SEMA7A: variants seen among roughly 807,000 people sequenced by gnomAD.
SEMA7A encodes the protein semaphorin 7A (JohnMiltonHagen blood group), also known as semaphorin-7A.
In SEMA7A, 21 loss-of-function variants were observed where a neutral mutation model predicts 67.5. The observed-to-expected ratio is 0.31, with a 90% CI of 0.22 to 0.45. SEMA7A has a LOEUF of 0.45. Among genes scored for constraint, SEMA7A ranks in the 20% least tolerant of loss-of-function variants. SEMA7A has a pLI of 1.00. For missense variants in SEMA7A, 774 were observed against 908.6 expected (o/e 0.85, Z 1.90); for synonymous variants, 364 against 368.5 (o/e 0.99, Z 0.14).
rs1267028642 is a variant in SEMA7A at position 74,410,322 on chromosome 15, G to A, written c.*302C>T. The A allele has an allele frequency of 2.2e-5, 8 of 371,884 alleles. No homozygotes were observed. The East Asian group carries it at 2.7e-4, about 12-fold the overall frequency. The allele number at this position is 371,884 out of a possible 1,614,324, so 23.0% of individuals were successfully genotyped here. The stretch of plus-strand genomic sequence containing the variant: ...CATGGGCTCTTGGGCTGGGAGCATC[G>A]CTGCATTTAGTCAAGTTTGAGGAGT... On this transcript the variant is annotated 3_prime_UTR_variant, in exon 14 of 14. Transcript: ENST00000261918. This position sits in a 1 kb window ranked among gnomAD's most constrained non-coding sequence, Gnocchi z 7.5.
intron 1 of SEMA7A, among the ~76,000 whole-genome samples, chr15:74,428,648 G>A (rs184165968): frequency 4.5e-4 from 69 of 152,332 alleles, no homozygotes; most frequent in Middle Eastern, 3.4e-3. Flanking sequence ...AGCAGTGAGG[G>A]AAGAACTGTG....
In SEMA7A at chr15:74,414,758, A is replaced by T. The variant is rs1311552020; in HGVS notation, c.1096-13T>A. The stretch of plus-strand genomic sequence containing the variant: ...GGTCTGGGAGGCACTGGGCAAGGAG[A>T]GCAGGCCCAGGTCAGTGGGGTGGTG... On this transcript the variant is annotated splice_polypyrimidine_tract_variant and intron_variant, in intron 9 of 13. Transcript: ENST00000261918. This position sits in a 1 kb window ranked among gnomAD's most constrained non-coding sequence, Gnocchi z 4.1. 6.2e-7 allele frequency: 1 copy of T among 1,613,894 alleles called. No homozygotes were observed. Among genetic ancestry groups the T allele is most frequent in the South Asian group, 1.1e-5 (1 of 91,060 alleles).
intron 1 of SEMA7A, among the ~76,000 whole-genome samples, chr15:74,430,064 C>T (rs796843551): frequency 7.9e-5 from 12 of 152,238 alleles, no homozygotes; most frequent in African/African-American, 2.9e-4. Context: ...TACAAGGGCA[C>T]GGAATCATCT....
chr15:74,433,921 C>G lies in SEMA7A; in HGVS notation c.-3G>C. On this transcript the variant is annotated 5_prime_UTR_variant, in exon 1 of 14. Transcript: ENST00000261918. ...CGTCCGGGCGGAGGAGGCGTCATCC[C>G]GTGGCCCCGGGAGCGACAGCGGCAA... The G allele has an allele frequency of 8.0e-7, 1 of 1,245,906 alleles. No homozygotes were observed. The highest frequency in any genetic ancestry group is 1.0e-6 in the Non-Finnish European group (1 of 997,850). 77.2% of individuals were successfully genotyped at this position (1,245,906 alleles called of 1,614,324 possible).
chr15:74,410,408 G>A lies in SEMA7A; in HGVS notation c.*216C>T. 1 of 573,738 alleles carries A rather than the reference G, an allele frequency of 1.7e-6. No homozygotes were observed. Among genetic ancestry groups the A allele is most frequent in the South Asian group, 2.8e-5 (1 of 35,738 alleles). 35.5% of individuals were successfully genotyped at this position (573,738 alleles called of 1,614,324 possible). A position where few individuals can be genotyped will look rare whatever the true frequency, so the allele number is the denominator to read the frequency against. ...CATCGATGCCCCAGCTTCACAGTCG[G>A]TGCCCTCATTCTCAGCCCCTCACCA... On this transcript the variant is annotated 3_prime_UTR_variant, in exon 14 of 14. Coordinates refer to ENST00000261918, the MANE Select transcript of SEMA7A (RefSeq NM_003612.5). This position sits in a 1 kb window ranked among gnomAD's most constrained non-coding sequence, Gnocchi z 7.5.
At chr15:74,417,281 C>T (rs1407569750) in intron 6 of SEMA7A, 54 bp downstream of exon 6, 1 of 1,400,942 alleles carries the variant, frequency 7.1e-7, no homozygotes, top group Non-Finnish European at 1.0e-6. Context: ...CATCTGCCAC[C>T]TTAAGTGCTC....
chr15:74,411,462 A>G lies in SEMA7A; in HGVS notation c.1577+94T>C, dbSNP rs746497297. On this transcript the variant is annotated intron_variant, in intron 12 of 13. Transcript: ENST00000261918. The surrounding 1 kb of genome is among the most constrained non-coding windows in gnomAD (Gnocchi z 4.4). ...CAGCAGAGAGGAGGGTCCCACAAGA[A>G]AGGCCCAGTACCGCCACCTCCTCCA... 7 of 1,545,874 alleles carry G rather than the reference A, an allele frequency of 4.5e-6. No individual in the cohort carries two copies. The highest frequency in any genetic ancestry group is 3.8e-5 in the Admixed American group (2 of 52,886).
Position 74,433,799 on chromosome 15 carries a change from GGCCGCCCAGAGCA to G in SEMA7A, c.107_119del (p.Leu36ProfsTer9). On this transcript the variant is annotated frameshift_variant, in exon 1 of 14. Transcript: ENST00000261918. LOFTEE classifies it high-confidence loss of function. The stretch of plus-strand genomic sequence containing the variant: ...TTAGGTGGCCCTGGGCGGAGGCGGC[GGCCGCCCAGAGCA>G]GCAGCAGCAGCCGCAGCCGCAGCGG... 2 of 1,428,836 alleles carry G rather than the reference GGCCGCCCAGAGCA, an allele frequency of 1.4e-6. No homozygotes were observed. Among genetic ancestry groups the G allele is most frequent in the Non-Finnish European group, 1.8e-6 (2 of 1,094,680 alleles). 88.5% of individuals were successfully genotyped at this position (1,428,836 alleles called of 1,614,324 possible).
rs28362909 is a variant in SEMA7A at position 74,418,781 on chromosome 15, G to T, written c.330+20C>A. 1 of 1,611,076 alleles carries T rather than the reference G, an allele frequency of 6.2e-7. No individual in the cohort carries two copies. The highest frequency in any genetic ancestry group is 8.5e-7 in the Non-Finnish European group (1 of 1,178,580). ...GAGATAAGAGGGTAGGGGGGGTGTTGGGGGAAGAGAGAGGCTCACCGTGCG... is the reference window on the plus strand; with the variant it reads ...GAGATAAGAGGGTAGGGGGGGTGTTTGGGGAAGAGAGAGGCTCACCGTGCG... On this transcript the variant is annotated intron_variant, in intron 2 of 13. Transcript: ENST00000261918.
chr15:74,418,220 C>T, intron 3 of SEMA7A, 48 bp downstream of exon 3: 1 of 1,576,970 alleles, frequency 6.3e-7, no homozygotes, highest in Non-Finnish European at 8.7e-7. Flanking sequence ...GGTCTCCTCT[C>T]CCTTTACCAA....
Position 74,433,946 on chromosome 15 carries a change from A to G in SEMA7A, c.-28T>C, listed in dbSNP as rs1186124024. The G allele has an allele frequency of 2.4e-6, 3 of 1,241,334 alleles. No homozygotes were observed. In the African/African-American group the frequency reaches 4.7e-5, roughly 19 times the overall value. 76.9% of individuals were successfully genotyped at this position (1,241,334 alleles called of 1,614,324 possible). A position where few individuals can be genotyped will look rare whatever the true frequency, so the allele number is the denominator to read the frequency against. On this transcript the variant is annotated 5_prime_UTR_variant, in exon 1 of 14. Transcript: ENST00000261918. ...CGTGGCCCCGGGAGCGACAGCGGCAATCAGCCGAGACTGAGCCAGCGCCCG... is the reference window on the plus strand; with the variant it reads ...CGTGGCCCCGGGAGCGACAGCGGCAGTCAGCCGAGACTGAGCCAGCGCCCG...
intron 1 of SEMA7A, among the ~76,000 whole-genome samples, chr15:74,433,313 G>A (rs1451829205): frequency 1.3e-5 from 2 of 151,726 alleles, no homozygotes; most frequent in Non-Finnish European, 2.9e-5. Context: ...CCCAGCCTGC[G>A]CCCCGCGCGC....
At chr15:74,427,388 G>A in intron 1 of SEMA7A, 1 of 985,452 alleles carries the variant, frequency 1.0e-6, no homozygotes, top group Non-Finnish European at 1.2e-6. Context: ...CCAATGGAGT[G>A]CAGAAGTCAT....
rs1204904201 is a variant in SEMA7A, at chr15:74,423,095, C to T, written c.179-4143G>A. 6.6e-6 allele frequency among the ~76,000 whole-genome samples: 1 copy of T among 152,234 alleles called. No individual in the cohort carries two copies. The highest frequency in any genetic ancestry group is 2.4e-5 in the African/African-American group (1 of 41,464). Reference sequence around the variant, plus strand: ...TGAAAATGGCAGGAATGTGGGCACCCCCACAGAGAATGCCTAAGTCAGGCA... The same window carrying T: ...TGAAAATGGCAGGAATGTGGGCACCTCCACAGAGAATGCCTAAGTCAGGCA... On this transcript the variant is annotated intron_variant, in intron 1 of 13. Coordinates refer to ENST00000261918, the MANE Select transcript of SEMA7A (RefSeq NM_003612.5). The surrounding 1 kb of genome is among the most constrained non-coding windows in gnomAD (Gnocchi z 4.1).
intron 1 of SEMA7A, among the ~76,000 whole-genome samples, chr15:74,420,106 A>G (rs1567075281): frequency 6.6e-6 from 1 of 152,184 alleles, no homozygotes; most frequent in Non-Finnish European, 1.5e-5. Flanking sequence ...CCCAAGCTCC[A>G]GCTCTGACCA....
At chr15:74,418,116 C>T (rs1715431394) in intron 3 of SEMA7A, 147 bp from the exon 4 acceptor site, 11 of 1,127,702 alleles carry the variant, frequency 9.8e-6, no homozygotes, top group Middle Eastern at 3.9e-4. Context: ...AGAGTGTGTG[C>T]AGCTGACGCC....
rs552664912 is a variant in SEMA7A at position 74,409,640 on chromosome 15, G to T, written c.*984C>A. ...CGCCCCCCAACCCTCAACGCCAAGG[G>T]CAGAGTCCTGGAACCTCCCCCTGAG... is the stretch of plus-strand genomic sequence containing the variant. On this transcript the variant is annotated 3_prime_UTR_variant, in exon 14 of 14. Transcript: ENST00000261918. The T allele has an allele frequency of 2.0e-5, 3 of 149,486 alleles. No individual in the cohort carries two copies. Among genetic ancestry groups the T allele is most frequent in the Admixed American group, 1.3e-4 (2 of 15,050 alleles). 9.3% of individuals were successfully genotyped at this position (149,486 alleles called of 1,614,324 possible).
chr15:74,421,262 C>T (rs2060997990), intron 1 of SEMA7A, among the ~76,000 whole-genome samples: 1 of 152,194 alleles, frequency 6.6e-6, no homozygotes, highest in Non-Finnish European at 1.5e-5. Flanking sequence ...AGAAAACTTC[C>T]ACAGCTCTCC....
intron 6 of SEMA7A, among the ~76,000 whole-genome samples, chr15:74,417,048 C>T (rs753079975): frequency 2.0e-5 from 3 of 152,152 alleles, no homozygotes; most frequent in Non-Finnish European, 4.4e-5. Flanking sequence ...GCTGCCTCCA[C>T]GTGAACTCAG....
Sources: allele counts gnomAD v4.1 joint callset (sites outside exome capture counted in the v4.1 genomes callset), GRCh38; gene constraint gnomAD v4.1.1; non-coding constraint Gnocchi (gnomAD v3.1); transcripts MANE v1.5; gene names NCBI Gene and HGNC (gene_info 2026-07-23, HGNC 2026-07-21).